The following PRKCQ variants were observed in gnomAD, a reference collection of about 807,000 sequenced individuals.
PRKCQ encodes the protein protein kinase C theta, also known as protein kinase C theta type.
A neutral mutation model predicts 91.2 loss-of-function variants in PRKCQ; 41 were observed. That is an observed-to-expected ratio of 0.45 (90% CI 0.35 to 0.58). PRKCQ has a LOEUF of 0.58. Ranked by LOEUF, PRKCQ falls within the 20% of genes least tolerant of loss-of-function variation. The probability of loss-of-function intolerance (pLI) is 0.00; values close to 1 mark genes in which losing one functional copy is unlikely to be tolerated. For missense variants in PRKCQ, 673 were observed against 896.5 expected (o/e 0.75, Z 3.18); for synonymous variants, 307 against 316.9 (o/e 0.97, Z 0.33).
At position 6,435,009 on chromosome 10, in the gene PRKCQ, CG is replaced by C. The variant is rs1246646705; in HGVS notation, c.1837-4072del. Among the ~76,000 whole-genome samples the C allele has an allele frequency of 5.9e-5, 9 of 152,102 alleles. 1 individual carries two copies. The highest frequency in any genetic ancestry group is 5.2e-4 in the Admixed American group (8 of 15,280). ...GGCTCACTGCAAGCTCCGCCTCCCG[CG>C]TTCATGCCATTCTCTTGCCTCAGCC... On this transcript the variant is annotated intron_variant, in intron 16 of 17. Coordinates refer to ENST00000263125, the MANE Select transcript of PRKCQ (RefSeq NM_006257.5).
intron 2 of PRKCQ, among the ~76,000 whole-genome samples, chr10:6,511,784 A>C (rs1339311105): frequency 1.3e-5 from 2 of 152,038 alleles, no homozygotes; most frequent in African/African-American, 4.8e-5. Context: ...AGGTGTGGGG[A>C]TCCTTTCTTG....
intron 12 of PRKCQ, among the ~76,000 whole-genome samples, chr10:6,474,738 G>A (rs764473662): frequency 2.6e-5 from 4 of 152,122 alleles, no homozygotes; most frequent in African/African-American, 4.8e-5. Flanking sequence ...AAATCTACTT[G>A]TAAGTGGATA....
At chr10:6,580,278 CGCGGGGACTG>C (rs1841426074), upstream of PRKCQ, 2 of 21,984 alleles carry the variant, frequency 9.1e-5, no homozygotes, top group African/African-American at 2.1e-4. Context: ...GCGGGGACTG[CGCGGGGACTG>C]GCGGGGCTGG....
chr10:6,557,072 G>A (rs993108801), intron 1 of PRKCQ, among the ~76,000 whole-genome samples: 34 of 152,044 alleles, frequency 2.2e-4, no homozygotes, highest in Admixed American at 9.2e-4. Context: ...TCCCACTCCC[G>A]CTTATAAACA....
chr10:6,488,543 A>G (rs600660), intron 8 of PRKCQ, among the ~76,000 whole-genome samples: 150,555 of 152,154 alleles, frequency 0.99, 74,505 homozygotes, highest in South Asian at 1. Flanking sequence ...CCATCACCAC[A>G]CCCAGCTAAT....
At chr10:6,491,596 T>G (rs1205285895) in intron 8 of PRKCQ, 87 bp downstream of exon 8, 1 of 1,550,464 alleles carries the variant, frequency 6.4e-7, no homozygotes, top group Non-Finnish European at 8.7e-7. Flanking sequence ...TGGTACCCCC[T>G]ACATCCTCCC....
chr10:6,514,223 T>G (rs749150842), intron 2 of PRKCQ, among the ~76,000 whole-genome samples: 12 of 152,100 alleles, frequency 7.9e-5, no homozygotes, highest in Admixed American at 2.6e-4. Context: ...AAAATGCACG[T>G]AGGGAAACAA....
intron 12 of PRKCQ, among the ~76,000 whole-genome samples, chr10:6,469,233 TTC>T (rs981118051): frequency 4.6e-5 from 7 of 152,214 alleles, no homozygotes; most frequent in African/African-American, 1.7e-4. Flanking sequence ...TTCCTATATG[TTC>T]TGTCTCTTGG....
At chr10:6,442,722 G>C (rs1834039566) in intron 15 of PRKCQ, among the ~76,000 whole-genome samples, 1 of 152,190 alleles carries the variant, frequency 6.6e-6, no homozygotes, top group African/African-American at 2.4e-5. Context: ...AGCACTTTGG[G>C]AGGCCGAGGC....
intron 1 of PRKCQ, among the ~76,000 whole-genome samples, chr10:6,577,026 T>C (rs1218294393): frequency 6.6e-6 from 1 of 152,092 alleles, no homozygotes; most frequent in Non-Finnish European, 1.5e-5. Flanking sequence ...CAAAACCATA[T>C]TTCATTGGTT....
the PRKCQ span, among the ~76,000 whole-genome samples, chr10:6,399,528 AGACAGGTT>A: frequency 0.011 from 1,613 of 150,512 alleles, 37 homozygotes; most frequent in African/African-American, 0.037. Context: ...GGGTGTGTTG[AGACAGGTT>A]GAATAGCCAC....
chr10:6,413,611 GAA>G, the PRKCQ span, among the ~76,000 whole-genome samples: 1 of 54,542 alleles, frequency 1.8e-5, no homozygotes, highest in African/African-American at 7.8e-5. Context: ...CACACACTAG[GAA>G]GCACTGGATT....
chr10:6,551,611 T>C (rs975084331), intron 1 of PRKCQ, among the ~76,000 whole-genome samples: 1 of 152,112 alleles, frequency 6.6e-6, no homozygotes, highest in Non-Finnish European at 1.5e-5. Context: ...TTAACCAGGA[T>C]GGTCTCGATC....
At chr10:6,525,421 T>C (rs573590325) in intron 1 of PRKCQ, among the ~76,000 whole-genome samples, 1 of 152,116 alleles carries the variant, frequency 6.6e-6, no homozygotes, top group Non-Finnish European at 1.5e-5. Context: ...CTACTAAAAA[T>C]ACTTTTTAAA....
intron 11 of PRKCQ, among the ~76,000 whole-genome samples, chr10:6,481,266 C>G (rs1283776664): frequency 6.6e-6 from 1 of 152,192 alleles, no homozygotes. Context: ...TGGAAATCCA[C>G]ATGGGAACAA....
At chr10:6,415,119 T>C in the PRKCQ span, among the ~76,000 whole-genome samples, 2 of 151,916 alleles carry the variant, frequency 1.3e-5, no homozygotes, top group African/African-American at 2.4e-5. Context: ...TGAGCCACCA[T>C]GCCCAGCTAA....
intron 14 of PRKCQ, 102 bp downstream of exon 14, chr10:6,462,201 G>A (rs1835387645): frequency 2.8e-6 from 3 of 1,069,530 alleles, no homozygotes; most frequent in Non-Finnish European, 4.3e-6. Context: ...CTTACTCCCA[G>A]GAAATCACAT....
At position 6,430,839 on chromosome 10, in the gene PRKCQ, C is replaced by T. The variant is rs751468198; in HGVS notation, c.1936G>A (p.Glu646Lys). The stretch of plus-strand genomic sequence containing the variant: ...TTCGGCCGGAACGGTGGGTCAATCT[C>T]CTTCCGTTCAAGTTCCTCCCAGTTG... ...EINWEELERK[E>K]IDPPFRPKVK... Residue 646 changes from glutamate (E) to lysine (K), a missense_variant, in exon 17 of 18, where the codon GAG (glutamate) becomes AAG (lysine). Transcript: ENST00000263125. The surrounding 1 kb of genome is among the most constrained non-coding windows in gnomAD (Gnocchi z 4.7). 2 of 1,614,148 alleles carry T rather than the reference C, an allele frequency of 1.2e-6. No homozygotes were observed. Among genetic ancestry groups the T allele is most frequent in the East Asian group, 2.2e-5 (1 of 44,874 alleles).
Position 6,534,800 on chromosome 10 carries a change from A to G in PRKCQ, c.-9-19656T>C, listed in dbSNP as rs572553453. 8.8e-4 allele frequency among the ~76,000 whole-genome samples: 121 copies of G among 137,326 alleles called. 1 individual carries two copies. The highest frequency in any genetic ancestry group is 2.9e-3 in the African/African-American group (116 of 39,794). 90.1% of individuals were successfully genotyped at this position (137,326 alleles called of 152,430 possible). A position where few individuals can be genotyped will look rare whatever the true frequency, so the allele number is the denominator to read the frequency against. On this transcript the variant is annotated intron_variant, in intron 1 of 17. Transcript: ENST00000263125. ...TATATATATATATATATAGATATATATATATATATATAAACTCATTACAAA... is the reference window on the plus strand; with the variant it reads ...TATATATATATATATATAGATATATGTATATATATATAAACTCATTACAAA...
Sources: allele counts gnomAD v4.1 joint callset (sites outside exome capture counted in the v4.1 genomes callset), GRCh38; gene constraint gnomAD v4.1.1; non-coding constraint Gnocchi (gnomAD v3.1); transcripts MANE v1.5; gene names NCBI Gene and HGNC (gene_info 2026-07-23, HGNC 2026-07-21).